USP42: variants seen among roughly 807,000 people sequenced by gnomAD.
The protein encoded by USP42 is ubiquitin carboxyl-terminal hydrolase 42.
USP42 carries 23 observed loss-of-function variants against 113.0 expected under a neutral mutation model. The observed-to-expected ratio is 0.20, with a 90% CI of 0.15 to 0.29. USP42 has a LOEUF of 0.29. Ranked by LOEUF, USP42 falls within the 10% of genes least tolerant of loss-of-function variation. The pLI, the probability that USP42 is intolerant of heterozygous loss-of-function variation, is 1.00. For missense variants in USP42, 2,174 were observed against 1,779.8 expected, an observed-to-expected ratio of 1.22 and a Z score of -3.99; for synonymous variants, 933 against 699.0, an observed-to-expected ratio of 1.33 and a Z score of -5.28.
At chr7:6,136,002 C>CT (rs11322306) in intron 4 of USP42, 51 bp downstream of exon 4, 51,532 of 546,582 alleles carry the variant, frequency 0.094, 5 homozygotes, top group Non-Finnish European at 0.11. Context: ...CCTAGTTATA[C>CT]TTTTTTTTTT....
chr7:6,140,684 A>C (rs922185074), intron 6 of USP42, among the ~76,000 whole-genome samples: 2 of 152,196 alleles, frequency 1.3e-5, no homozygotes, highest in African/African-American at 4.8e-5. Flanking sequence ...GTTGTCTTCT[A>C]AGAGGGTATA....
chr7:6,147,596 A>G, intron 11 of USP42, 143 bp from the exon 12 acceptor site: 1 of 815,062 alleles, frequency 1.2e-6, no homozygotes, highest in Non-Finnish European at 1.8e-6. Flanking sequence ...GGGGATGTGT[A>G]TAGCTCCATA....
chr7:6,086,436 ACAT>A, the USP42 span, among the ~76,000 whole-genome samples: 1 of 150,784 alleles, frequency 6.6e-6, no homozygotes, highest in South Asian at 2.1e-4. Context: ...CGATCTCCTG[ACAT>A]CATGATCCGC....
chr7:6,137,312 A>C (rs890064787), intron 4 of USP42, among the ~76,000 whole-genome samples: 1 of 152,258 alleles, frequency 6.6e-6, no homozygotes, highest in African/African-American at 2.4e-5. Flanking sequence ...AAGCCTGGCA[A>C]AATTTAGCCA....
rs760150770 is a variant in USP42, at chr7:6,156,720, T to A, written c.3642-34T>A. The A allele has an allele frequency of 2.3e-5, 35 of 1,509,644 alleles. No homozygotes were observed. The Admixed American group carries it at 6.7e-4, about 29-fold the overall frequency. The allele number at this position is 1,509,644 out of a possible 1,614,324, so 93.5% of individuals were successfully genotyped here. On this transcript the variant is annotated intron_variant, in intron 15 of 17. Coordinates refer to ENST00000306177, the MANE Select transcript of USP42 (RefSeq NM_032172.3). ...GGTCTGCTGCTGGTGGTTTTGTGTTTTAGGGTTTTGAATTCTGGCTTTTCC... is the reference window on the plus strand; with the variant it reads ...GGTCTGCTGCTGGTGGTTTTGTGTTATAGGGTTTTGAATTCTGGCTTTTCC...
Position 6,142,939 on chromosome 7 carries a change from A to C in USP42, c.803A>C (p.Gln268Pro), listed in dbSNP as rs755437513. 5 of 1,613,824 alleles carry C rather than the reference A, an allele frequency of 3.1e-6. No homozygotes were observed. The African/African-American group carries it at 6.7e-5, about 22-fold the overall frequency. The change falls in exon 8 of 18, where the codon CAG becomes CCG. Residue 268 changes from glutamine to proline, a missense_variant. Gln to Pro is a moderately conservative substitution (Grantham distance 76). Transcript: ENST00000306177. ...LDITLEIKAA[Q>P]SVNKALEQFV... The stretch of plus-strand genomic sequence containing the variant: ...TGCCTCTTCTCTTCCCAGGCTGCTC[A>C]GAGTGTCAACAAGGCATTGGAGCAG...
chr7:6,094,232 C>G, the USP42 span, among the ~76,000 whole-genome samples: 1 of 149,870 alleles, frequency 6.7e-6, no homozygotes, highest in Non-Finnish European at 1.5e-5. Flanking sequence ...GGAGTGCCAT[C>G]GTGCCATAAT....
rs937452383 is a variant in USP42, at chr7:6,160,780, T to C, written c.*262T>C. On this transcript the variant is annotated 3_prime_UTR_variant, in exon 18 of 18. Coordinates refer to ENST00000306177, the MANE Select transcript of USP42 (RefSeq NM_032172.3). ...TAAAATACCGTGTATATAAATCCCA[T>C]TGAAATAATGCCCTGGAATAGAACA... is the stretch of plus-strand genomic sequence containing the variant. 5.9e-5 allele frequency: 9 copies of C among 152,616 alleles called. No individual in the cohort carries two copies. The highest frequency in any genetic ancestry group is 1.3e-4 in the Non-Finnish European group (9 of 68,032). 9.5% of individuals were successfully genotyped at this position (152,616 alleles called of 1,614,324 possible). A position where few individuals can be genotyped will look rare whatever the true frequency, so the allele number is the denominator to read the frequency against.
the USP42 span, among the ~76,000 whole-genome samples, chr7:6,091,991 TTCTTC>T: frequency 1.7e-5 from 1 of 58,130 alleles, no homozygotes; most frequent in African/African-American, 5.5e-5. Context: ...CTTCTTCTTC[TTCTTC>T]TTCTTCTTCT....
At chr7:6,100,112 T>A (rs748073679), upstream of USP42, among the ~76,000 whole-genome samples, 1 of 148,186 alleles carries the variant, frequency 6.7e-6, no homozygotes, top group East Asian at 2.0e-4. Flanking sequence ...CTCAGCCTCC[T>A]AAAGTGCTGG....
At chr7:6,134,303 T>G (rs1395522563) in intron 3 of USP42, among the ~76,000 whole-genome samples, 1 of 152,200 alleles carries the variant, frequency 6.6e-6, no homozygotes, top group African/African-American at 2.4e-5. Context: ...CTGTGTTATT[T>G]CTGGGTCTTT....
chr7:6,087,764 C>T, the USP42 span, among the ~76,000 whole-genome samples: 1 of 151,186 alleles, frequency 6.6e-6, no homozygotes, highest in African/African-American at 2.5e-5. Context: ...CTTTTATTCT[C>T]GTTTTTGCAT....
At chr7:6,153,463 T>G (rs1782190902) in intron 14 of USP42, among the ~76,000 whole-genome samples, 1 of 151,990 alleles carries the variant, frequency 6.6e-6, no homozygotes, top group South Asian at 2.1e-4. Flanking sequence ...ATTGGGAGTT[T>G]CCAGAGATAG....
the USP42 span, among the ~76,000 whole-genome samples, chr7:6,082,601 C>CTGTTTTTTTTTTTTTTGTTTTTT: frequency 4.1e-5 from 4 of 96,996 alleles, no homozygotes; most frequent in African/African-American, 1.5e-4. Flanking sequence ...TTCTTTCTTT[C>CTGTTTTTTTTTTTTTTGTTTTTT]TGTTTTTTTT....
At chr7:6,100,098 C>T (rs915224058), upstream of USP42, among the ~76,000 whole-genome samples, 22 of 148,692 alleles carry the variant, frequency 1.5e-4, no homozygotes, top group African/African-American at 2.3e-4. Context: ...AGCGATCTTC[C>T]GGCCTCAGCC....
At chr7:6,129,112 C>A (rs562323372) in intron 3 of USP42, among the ~76,000 whole-genome samples, 1 of 152,232 alleles carries the variant, frequency 6.6e-6, no homozygotes, top group South Asian at 2.1e-4. Context: ...GGGCCTGTAG[C>A]CTTTTTAGTG....
chr7:6,108,151 C>T (rs1253587381), intron 1 of USP42, among the ~76,000 whole-genome samples: 2 of 152,160 alleles, frequency 1.3e-5, no homozygotes, highest in Non-Finnish European at 2.9e-5. Flanking sequence ...AGCGCCATTG[C>T]ATTCCAGCCT....
Position 6,139,703 on chromosome 7 carries a change from CT to C in USP42, c.657-424del. ...TCTGAGACACCTGGTAGATCTCCCT[CT>C]GCATTCTCCCTGCCCTGGCACCGCC... is the stretch of plus-strand genomic sequence containing the variant. On this transcript the variant is annotated intron_variant, in intron 5 of 17. Coordinates refer to ENST00000306177, the MANE Select transcript of USP42 (RefSeq NM_032172.3). The surrounding 1 kb of genome is among the most constrained non-coding windows in gnomAD (Gnocchi z 4.5). 1 of 240,480 alleles carries C rather than the reference CT, an allele frequency of 4.2e-6. No individual in the cohort carries two copies. Among genetic ancestry groups the C allele is most frequent in the Admixed American group, 5.3e-5 (1 of 18,908 alleles). The allele number at this position is 240,480 out of a possible 1,614,324, so 14.9% of individuals were successfully genotyped here. A position where few individuals can be genotyped will look rare whatever the true frequency, so the allele number is the denominator to read the frequency against.
At chr7:6,090,683 C>G in the USP42 span, among the ~76,000 whole-genome samples, 2 of 146,262 alleles carry the variant, frequency 1.4e-5, no homozygotes, top group Non-Finnish European at 3.0e-5. Context: ...CCACTGCACT[C>G]TAGCCTGGGC....
Sources: allele counts gnomAD v4.1 joint callset (sites outside exome capture counted in the v4.1 genomes callset), GRCh38; gene constraint gnomAD v4.1.1; non-coding constraint Gnocchi (gnomAD v3.1); transcripts MANE v1.5; gene names NCBI Gene and HGNC (gene_info 2026-07-23, HGNC 2026-07-21).